The following LYPD6B variants were observed in gnomAD, a reference collection of about 807,000 sequenced individuals.
The protein encoded by LYPD6B is ly6/PLAUR domain-containing protein 6B.
Under a neutral mutation model 22.8 loss-of-function variants are expected in LYPD6B, and 17 were observed. The ratio of observed to expected loss-of-function variants is 0.75; its 90% CI spans 0.51 to 1.12. The LOEUF is 1.12. LYPD6B is among the 50% of genes most tolerant of loss of function. The pLI is 0.00. For missense variants in LYPD6B, 221 were observed against 258.3 expected, an observed-to-expected ratio of 0.86 and a Z score of 0.99; for synonymous variants, 106 against 91.6, an observed-to-expected ratio of 1.16 and a Z score of -0.90.
At chr2:149,085,565 T>C (rs1243529754) in intron 1 of LYPD6B, among the ~76,000 whole-genome samples, 1 of 152,154 alleles carries the variant, frequency 6.6e-6, no homozygotes, top group African/African-American at 2.4e-5. Context: ...TGCATAAGAG[T>C]TGAGTCCTTT....
At chr2:149,129,854 G>T (rs1687916211) in intron 1 of LYPD6B, among the ~76,000 whole-genome samples, 1 of 152,220 alleles carries the variant, frequency 6.6e-6, no homozygotes, top group Non-Finnish European at 1.5e-5. Context: ...AACTCTGTAA[G>T]TATTGGCTGT....
chr2:149,172,979 CAT>C (rs35825610), intron 3 of LYPD6B, among the ~76,000 whole-genome samples: 93,297 of 148,314 alleles, frequency 0.63, 30,970 homozygotes, highest in South Asian at 0.78. Context: ...TTTTAATAAG[CAT>C]ATATATATAT....
At chr2:149,204,332 A>G (rs896326549) in intron 3 of LYPD6B, among the ~76,000 whole-genome samples, 24 of 152,210 alleles carry the variant, frequency 1.6e-4, no homozygotes, top group Non-Finnish European at 3.4e-4. Flanking sequence ...CCGGTTACAT[A>G]CTTTTTCTGC....
At chr2:149,072,401 C>T (rs1684650003) in intron 1 of LYPD6B, among the ~76,000 whole-genome samples, 1 of 151,450 alleles carries the variant, frequency 6.6e-6, no homozygotes, top group African/African-American at 2.4e-5. Flanking sequence ...AATAAACAAA[C>T]ACGTAAGTAA....
At chr2:149,202,187 T>C (rs1450549915) in intron 3 of LYPD6B, among the ~76,000 whole-genome samples, 2 of 152,198 alleles carry the variant, frequency 1.3e-5, no homozygotes, top group African/African-American at 4.8e-5. Flanking sequence ...CTGGGACCAA[T>C]TACTTGACAG....
chr2:149,116,732 C>T (rs765506502), intron 1 of LYPD6B, among the ~76,000 whole-genome samples: 10 of 152,182 alleles, frequency 6.6e-5, no homozygotes, highest in Admixed American at 6.5e-5. Flanking sequence ...GGGCACTCAG[C>T]AAACATTTGT....
intron 1 of LYPD6B, among the ~76,000 whole-genome samples, chr2:149,091,275 TTA>T (rs1685635907): frequency 6.6e-6 from 1 of 151,596 alleles, no homozygotes; most frequent in Admixed American, 6.6e-5. Flanking sequence ...ACTTTTGTCT[TTA>T]TTTTAATATA....
At position 149,147,521 on chromosome 2, in the gene LYPD6B, TG is replaced by T. The variant is rs544047891; in HGVS notation, c.6-13242del. ...TTTTTTTGTTTTTTGTTTGTTTGTT[TG>T]TTTGTTTTTGAGATAGGGCCTTGCT... On this transcript the variant is annotated intron_variant, in intron 2 of 6. Coordinates refer to ENST00000409642, the MANE Select transcript of LYPD6B (RefSeq NM_177964.5). 2.5e-3 allele frequency among the ~76,000 whole-genome samples: 385 copies of T among 152,246 alleles called. 1 individual carries two copies. The highest frequency in any genetic ancestry group is 3.4e-3 in the Middle Eastern group (1 of 294).
chr2:149,106,751 C>T (rs1686491557), intron 1 of LYPD6B, among the ~76,000 whole-genome samples: 1 of 151,952 alleles, frequency 6.6e-6, no homozygotes, highest in Non-Finnish European at 1.5e-5. Context: ...TTTATTTTCT[C>T]TATTGTTTTT....
At chr2:149,126,339 C>A (rs1196173591) in intron 1 of LYPD6B, among the ~76,000 whole-genome samples, 1 of 152,186 alleles carries the variant, frequency 6.6e-6, no homozygotes, top group African/African-American at 2.4e-5. Flanking sequence ...TCCCCCAAAA[C>A]TTAACTACTT....
intron 1 of LYPD6B, among the ~76,000 whole-genome samples, chr2:149,124,768 C>T (rs1361132687): frequency 2.6e-5 from 4 of 152,118 alleles, no homozygotes; most frequent in East Asian, 1.9e-4. Flanking sequence ...TTTAGGATTA[C>T]GTAAAAAGGA....
In LYPD6B at chr2:149,044,792, T is replaced by C. The variant is rs556254192; in HGVS notation, c.-67+5991T>C. On this transcript the variant is annotated intron_variant, in intron 1 of 6. Coordinates refer to ENST00000409642, the MANE Select transcript of LYPD6B (RefSeq NM_177964.5). ...AAATTTCCTTTGTACTCCTAGTTTA[T>C]TGACAGTGTTTTTTAAAATTATGGG... Among the ~76,000 whole-genome samples, 128 of 151,598 alleles carry C rather than the reference T, an allele frequency of 8.4e-4. 2 individuals carry two copies. The highest frequency in any genetic ancestry group is 5.2e-3 in the South Asian group (25 of 4,780).
intron 5 of LYPD6B, among the ~76,000 whole-genome samples, chr2:149,212,380 C>CAAAAAAAAAAAAAAAA (rs386391473): frequency 2.5e-4 from 15 of 60,132 alleles, no homozygotes; most frequent in African/African-American, 9.8e-4. Context: ...GACTCCGTCT[C>CAAAAAAAAAAAAAAAA]AAAAAAAAAA....
intron 3 of LYPD6B, among the ~76,000 whole-genome samples, chr2:149,203,162 T>C (rs1693282045): frequency 1.3e-5 from 2 of 152,222 alleles, no homozygotes; most frequent in African/African-American, 4.8e-5. Context: ...AGGTAAGTAC[T>C]ATCCTATGCT....
chr2:149,067,738 C>G (rs1684406268), intron 1 of LYPD6B, among the ~76,000 whole-genome samples: 1 of 151,556 alleles, frequency 6.6e-6, no homozygotes, highest in Non-Finnish European at 1.5e-5. Context: ...AGGAAGATTC[C>G]TGGTATAATC....
intron 3 of LYPD6B, among the ~76,000 whole-genome samples, chr2:149,170,438 G>C (rs914491777): frequency 2.0e-5 from 3 of 152,144 alleles, no homozygotes; most frequent in African/African-American, 7.2e-5. Context: ...GCTATATTCT[G>C]TTCTCTGTGC....
At chr2:149,093,612 AC>A (rs1445240440) in intron 1 of LYPD6B, among the ~76,000 whole-genome samples, 1 of 152,138 alleles carries the variant, frequency 6.6e-6, no homozygotes, top group Non-Finnish European at 1.5e-5. Context: ...CACTATCTGG[AC>A]AGAACTGGGT....
intron 1 of LYPD6B, among the ~76,000 whole-genome samples, chr2:149,120,298 C>CAT (rs36091042): frequency 0.23 from 28,058 of 123,244 alleles, 3,758 homozygotes; most frequent in East Asian, 0.63. Context: ...TGTATATACA[C>CAT]ATATATATAT....
At chr2:149,210,711 G>A (rs4667346) in intron 5 of LYPD6B, among the ~76,000 whole-genome samples, 16,915 of 152,038 alleles carry the variant, frequency 0.11, 1,030 homozygotes, top group African/African-American at 0.12. Context: ...GACTTTTTAG[G>A]GCTGCCTTAG....
Sources: allele counts gnomAD v4.1 joint callset (sites outside exome capture counted in the v4.1 genomes callset), GRCh38; gene constraint gnomAD v4.1.1; transcripts MANE v1.5; gene names NCBI Gene and HGNC (gene_info 2026-07-23, HGNC 2026-07-21).